The following CXCL13 variants were observed in gnomAD, a reference collection of about 807,000 sequenced individuals.
The protein encoded by CXCL13 is C-X-C motif chemokine 13.
A neutral mutation model predicts 12.2 loss-of-function variants in CXCL13; 7 were observed. That is an observed-to-expected ratio of 0.57 (90% CI 0.33 to 1.07). The LOEUF (loss-of-function observed/expected upper bound fraction) is 1.07, where lower values mean the gene tolerates loss of function less well. Among genes scored for constraint, CXCL13 ranks in the 50% least tolerant of loss-of-function variants. The probability of loss-of-function intolerance (pLI) is 0.04; values close to 1 mark genes in which losing one functional copy is unlikely to be tolerated. For synonymous variants in CXCL13, 47 were observed against 42.4 expected, an observed-to-expected ratio of 1.11 and a Z score of -0.42; for missense variants, 113 against 127.4, an observed-to-expected ratio of 0.89 and a Z score of 0.55.
At chr4:77,538,277 C>T (rs1030814399) in intron 1 of CXCL13, among the ~76,000 whole-genome samples, 1 of 151,844 alleles carries the variant, frequency 6.6e-6, no homozygotes, top group African/African-American at 2.4e-5. Context: ...TGCCTCAGAG[C>T]TCTGTTTCTG....
At chr4:77,544,087 T>C (rs1271796529) in intron 1 of CXCL13, among the ~76,000 whole-genome samples, 1 of 152,212 alleles carries the variant, frequency 6.6e-6, no homozygotes, top group Admixed American at 6.5e-5. Flanking sequence ...CATCCTTTTT[T>C]ATGGCTGCAT....
At chr4:77,539,092 T>G (rs1725139654) in intron 1 of CXCL13, among the ~76,000 whole-genome samples, 1 of 148,280 alleles carries the variant, frequency 6.7e-6, no homozygotes, top group African/African-American at 2.5e-5. Flanking sequence ...TGAAATGGAG[T>G]CTAGCTCTGT....
At chr4:77,536,993 C>T (rs1182467479) in intron 1 of CXCL13, among the ~76,000 whole-genome samples, 2 of 152,248 alleles carry the variant, frequency 1.3e-5, no homozygotes, top group Non-Finnish European at 2.9e-5. Context: ...CTCTTCCCAG[C>T]TTCCATTCAA....
intron 1 of CXCL13, among the ~76,000 whole-genome samples, chr4:77,512,800 T>C (rs1724307615): frequency 6.6e-6 from 1 of 152,152 alleles, no homozygotes; most frequent in African/African-American, 2.4e-5. Flanking sequence ...TTATTATACT[T>C]TAAGTTCTGG....
intron 1 of CXCL13, among the ~76,000 whole-genome samples, chr4:77,545,097 C>G (rs926667936): frequency 2.6e-5 from 4 of 151,882 alleles, no homozygotes. Context: ...TTCTGTTTCA[C>G]TGGTCTATAT....
At chr4:77,601,311 A>T (rs1374391722), upstream of CXCL13, among the ~76,000 whole-genome samples, 1 of 152,222 alleles carries the variant, frequency 6.6e-6, no homozygotes, top group Non-Finnish European at 1.5e-5. Flanking sequence ...CAGGATTTGC[A>T]CTGTCCAAAC....
chr4:77,605,853 A>G lies in CXCL13; in HGVS notation c.-13A>G, dbSNP rs1578074351. The stretch of plus-strand genomic sequence containing the variant: ...GACTCAGAGCTCAAGTCTGAACTCT[A>G]CCTCCAGACAGAATGAAGTTCATCT... On this transcript the variant is annotated 5_prime_UTR_variant, in exon 1 of 4. Coordinates refer to ENST00000682537, the MANE Select transcript of CXCL13 (RefSeq NM_001371558.1). 1.9e-6 allele frequency: 3 copies of G among 1,592,496 alleles called. No individual in the cohort carries two copies. The highest frequency in any genetic ancestry group is 1.7e-5 in the Admixed American group (1 of 59,300).
intron 1 of CXCL13, among the ~76,000 whole-genome samples, chr4:77,577,793 G>A (rs1171565236): frequency 6.6e-6 from 1 of 152,136 alleles, no homozygotes; most frequent in Non-Finnish European, 1.5e-5. Context: ...TATTTGCTAG[G>A]AAGAGAAGGG....
chr4:77,570,898 C>T (rs979953112), intron 1 of CXCL13, among the ~76,000 whole-genome samples: 3 of 152,132 alleles, frequency 2.0e-5, no homozygotes, highest in South Asian at 2.1e-4. Flanking sequence ...AGCTGCCTTC[C>T]CATGGGGCAG....
chr4:77,514,950 T>G (rs981748240), intron 1 of CXCL13, among the ~76,000 whole-genome samples: 37 of 152,208 alleles, frequency 2.4e-4, no homozygotes, highest in Non-Finnish European at 4.8e-4. Context: ...GTCTAACGTT[T>G]AAGTCTTTAA....
At chr4:77,584,718 G>T (rs1415534072) in intron 1 of CXCL13, among the ~76,000 whole-genome samples, 2 of 152,190 alleles carry the variant, frequency 1.3e-5, no homozygotes, top group Non-Finnish European at 2.9e-5. Context: ...GTTTGGGAAA[G>T]CTGGGGTCAG....
At chr4:77,524,737 A>C (rs894288047) in intron 1 of CXCL13, among the ~76,000 whole-genome samples, 2 of 152,114 alleles carry the variant, frequency 1.3e-5, no homozygotes, top group Admixed American at 6.5e-5. Context: ...CCACTGTCCA[A>C]CCAGTCCCAG....
intron 1 of CXCL13, among the ~76,000 whole-genome samples, chr4:77,594,982 C>T (rs540095612): frequency 1.4e-4 from 21 of 151,732 alleles, no homozygotes; most frequent in Middle Eastern, 3.4e-3. Context: ...AAATTGGCCA[C>T]GGTAAGAGTA....
intron 1 of CXCL13, among the ~76,000 whole-genome samples, chr4:77,551,080 T>A (rs1370113534): frequency 6.6e-6 from 1 of 152,214 alleles, no homozygotes; most frequent in East Asian, 1.9e-4. Context: ...TTTATTCAAC[T>A]TGCCACCCTG....
intron 1 of CXCL13, among the ~76,000 whole-genome samples, chr4:77,515,468 C>G (rs1021897362): frequency 6.6e-6 from 1 of 152,118 alleles, no homozygotes; most frequent in Non-Finnish European, 1.5e-5. Context: ...TTGTTTGTAT[C>G]CTCTTTTATT....
chr4:77,572,087 C>T (rs890648543), intron 1 of CXCL13, among the ~76,000 whole-genome samples: 6 of 151,884 alleles, frequency 4.0e-5, no homozygotes, highest in Admixed American at 2.0e-4. Context: ...ACACTCACCG[C>T]GAGGGTCCGC....
intron 1 of CXCL13, among the ~76,000 whole-genome samples, chr4:77,512,435 T>C (rs1360082197): frequency 6.6e-6 from 1 of 152,198 alleles, no homozygotes; most frequent in Non-Finnish European, 1.5e-5. Context: ...ATAAAGTAAT[T>C]GTCTATCCAT....
At chr4:77,605,459 A>G (rs539180900), upstream of CXCL13, among the ~76,000 whole-genome samples, 4 of 152,250 alleles carry the variant, frequency 2.6e-5, no homozygotes, top group Admixed American at 1.3e-4. Flanking sequence ...CATGGAGTAT[A>G]TATCTAATGC....
chr4:77,578,816 C>T (rs1023275202), intron 1 of CXCL13, among the ~76,000 whole-genome samples: 2 of 152,190 alleles, frequency 1.3e-5, no homozygotes, highest in Non-Finnish European at 2.9e-5. Flanking sequence ...ATTCTCTGGT[C>T]TCTGCAGCAT....
Sources: allele counts gnomAD v4.1 joint callset (sites outside exome capture counted in the v4.1 genomes callset), GRCh38; gene constraint gnomAD v4.1.1; transcripts MANE v1.5; gene names NCBI Gene and HGNC (gene_info 2026-07-23, HGNC 2026-07-21).